MSRA: variants seen among roughly 807,000 people sequenced by gnomAD.
MSRA encodes methionine sulfoxide reductase A.
MSRA carries 54 observed loss-of-function variants against 31.3 expected under a neutral mutation model. That is an observed-to-expected ratio of 1.73 (90% CI 1.39 to 2.17). The LOEUF (loss-of-function observed/expected upper bound fraction) is 2.17. Among genes scored for constraint, MSRA ranks in the 30% most tolerant of loss-of-function variants. The pLI, the probability that MSRA is intolerant of heterozygous loss-of-function variation, is 0.00. For synonymous variants in MSRA, 169 were observed against 116.5 expected (o/e 1.45, Z -2.90); for missense variants, 507 against 300.9 (o/e 1.69, Z -5.07).
chr8:10,335,138 G>C (rs1489873326), intron 5 of MSRA, among the ~76,000 whole-genome samples: 2 of 152,162 alleles, frequency 1.3e-5, no homozygotes, highest in African/African-American at 4.8e-5. Context: ...GAAACGGTCA[G>C]GGTCAATGTC....
chr8:10,333,121 T>A (rs879348293), intron 5 of MSRA, among the ~76,000 whole-genome samples: 1 of 152,148 alleles, frequency 6.6e-6, no homozygotes, highest in Non-Finnish European at 1.5e-5. Flanking sequence ...AGTAGAAGTA[T>A]AGACACAAAA....
At chr8:10,238,611 C>G (rs987460107) in intron 2 of MSRA, among the ~76,000 whole-genome samples, 2 of 152,090 alleles carry the variant, frequency 1.3e-5, no homozygotes, top group Non-Finnish European at 2.9e-5. Context: ...AGAAACGGGA[C>G]TACTTACAAC....
intron 4 of MSRA, among the ~76,000 whole-genome samples, chr8:10,313,417 A>C (rs944091561): frequency 6.6e-6 from 1 of 152,102 alleles, no homozygotes; most frequent in Non-Finnish European, 1.5e-5. Context: ...TTCAGGGTTT[A>C]CTTATTTACC....
chr8:10,241,544 G>A (rs1812413652), intron 2 of MSRA, among the ~76,000 whole-genome samples: 1 of 152,180 alleles, frequency 6.6e-6, no homozygotes, highest in Admixed American at 6.5e-5. Flanking sequence ...TGTCCCATGT[G>A]AATTGTACCA....
chr8:10,289,265 G>C (rs1230791643), intron 3 of MSRA, among the ~76,000 whole-genome samples: 1 of 151,910 alleles, frequency 6.6e-6, no homozygotes, highest in African/African-American at 2.4e-5. Context: ...TGTCCACCTC[G>C]GTCTCCCAGA....
At chr8:10,280,051 C>G (rs537413663) in intron 3 of MSRA, among the ~76,000 whole-genome samples, 1 of 152,278 alleles carries the variant, frequency 6.6e-6, no homozygotes, top group South Asian at 2.1e-4. Context: ...TTTCTTCTTT[C>G]TGGGCCAACT....
At chr8:10,137,885 G>A (rs1171463879) in intron 1 of MSRA, among the ~76,000 whole-genome samples, 2 of 152,150 alleles carry the variant, frequency 1.3e-5, no homozygotes, top group Non-Finnish European at 2.9e-5. Flanking sequence ...TTTATACATT[G>A]TTTTATTTGA....
At chr8:10,175,776 AC>A (rs1388276758) in intron 1 of MSRA, among the ~76,000 whole-genome samples, 1 of 152,164 alleles carries the variant, frequency 6.6e-6, no homozygotes, top group East Asian at 1.9e-4. Context: ...GGTCTTCAAA[AC>A]CTGTGATGCC....
intron 5 of MSRA, among the ~76,000 whole-genome samples, chr8:10,374,950 C>G (rs1805675954): frequency 6.6e-6 from 1 of 152,182 alleles, no homozygotes. Flanking sequence ...CCTCCTCTCT[C>G]TCTTGCTCCC....
chr8:10,390,936 A>T (rs1005166517), intron 5 of MSRA, among the ~76,000 whole-genome samples: 1 of 150,998 alleles, frequency 6.6e-6, no homozygotes, highest in African/African-American at 2.4e-5. Context: ...AGATCGCGCC[A>T]CTGCACTCCA....
intron 1 of MSRA, among the ~76,000 whole-genome samples, chr8:10,118,023 C>T (rs184659390): frequency 2.0e-5 from 3 of 152,176 alleles, no homozygotes; most frequent in Non-Finnish European, 4.4e-5. Context: ...AGGAAAGATA[C>T]AGACACCAAA....
rs533466361 is a variant in MSRA at position 10,219,390 on chromosome 8, T to A, written c.211+11489T>A. On this transcript the variant is annotated intron_variant, in intron 2 of 5. Coordinates refer to ENST00000317173, the MANE Select transcript of MSRA (RefSeq NM_012331.5). ...TTTGGGGATTCAAGAAGGGGAGATA[T>A]TTACTGACCCACTTCTTTTTTAATC... 3.3e-5 allele frequency among the ~76,000 whole-genome samples: 5 copies of A among 152,318 alleles called. No homozygotes were observed. The South Asian group carries it at 1.0e-3, about 32-fold the overall frequency.
chr8:10,082,679 G>C (rs1372046139), intron 1 of MSRA, among the ~76,000 whole-genome samples: 1 of 152,186 alleles, frequency 6.6e-6, no homozygotes, highest in Non-Finnish European at 1.5e-5. Flanking sequence ...AAACAGGCAA[G>C]AGGAAGTGGT....
intron 1 of MSRA, among the ~76,000 whole-genome samples, chr8:10,089,766 C>T (rs768638073): frequency 3.9e-5 from 6 of 152,172 alleles, no homozygotes; most frequent in Admixed American, 2.6e-4. Context: ...CGAGCACCTG[C>T]GAAGAAGGAC....
chr8:10,425,403 C>G (rs1809088525), intron 5 of MSRA, among the ~76,000 whole-genome samples: 1 of 152,218 alleles, frequency 6.6e-6, no homozygotes. Flanking sequence ...CTTCCGGGCT[C>G]CCCAAGGGGG....
intron 1 of MSRA, among the ~76,000 whole-genome samples, chr8:10,184,442 G>T (rs759758389): frequency 2.0e-5 from 3 of 151,846 alleles, no homozygotes. Context: ...GATGTAAAAG[G>T]TTTGGCTGGT....
intron 1 of MSRA, among the ~76,000 whole-genome samples, chr8:10,198,815 A>G (rs891846026): frequency 4.6e-5 from 7 of 152,052 alleles, no homozygotes; most frequent in African/African-American, 7.3e-5. Flanking sequence ...TTTTGTAGCA[A>G]TGGGAGTCTC....
intron 1 of MSRA, among the ~76,000 whole-genome samples, chr8:10,207,558 G>T (rs1261915716): frequency 1.3e-5 from 2 of 152,164 alleles, no homozygotes; most frequent in Non-Finnish European, 2.9e-5. Flanking sequence ...GGAGCCTTCA[G>T]GCCCGGCTGG....
intron 3 of MSRA, among the ~76,000 whole-genome samples, chr8:10,272,965 A>C (rs1274692979): frequency 6.6e-6 from 1 of 152,234 alleles, no homozygotes; most frequent in Non-Finnish European, 1.5e-5. Flanking sequence ...AAATTTAAAT[A>C]TGACTAGTAA....
Sources: allele counts gnomAD v4.1 joint callset (sites outside exome capture counted in the v4.1 genomes callset), GRCh38; gene constraint gnomAD v4.1.1; transcripts MANE v1.5; gene names NCBI Gene and HGNC (gene_info 2026-07-23, HGNC 2026-07-21).